Variants in TMEM14A observed in about 807,000 individuals in gnomAD.
The protein encoded by TMEM14A is transmembrane protein 14A.
A neutral mutation model predicts 11.6 loss-of-function variants in TMEM14A; 8 were observed. The ratio of observed to expected loss-of-function variants is 0.69; its 90% CI spans 0.40 to 1.24. The LOEUF is 1.24. TMEM14A is among the 50% of genes most tolerant of loss of function. The pLI is 0.01. For missense variants in TMEM14A, 108 were observed against 121.9 expected, an observed-to-expected ratio of 0.89 and a Z score of 0.54; for synonymous variants, 34 against 45.5, an observed-to-expected ratio of 0.75 and a Z score of 1.02.
intron 2 of TMEM14A, among the ~76,000 whole-genome samples, chr6:52,680,577 C>CTATATATT (rs1179037283): frequency 1.6e-5 from 1 of 60,816 alleles, no homozygotes; most frequent in African/African-American, 4.3e-5. Flanking sequence ...TTCTAAGCCA[C>CTATATATT]TATATATTTA....
At chr6:52,674,191 A>T (rs1581741388) in intron 1 of TMEM14A, among the ~76,000 whole-genome samples, 1 of 146,174 alleles carries the variant, frequency 6.8e-6, no homozygotes, top group Non-Finnish European at 1.5e-5. Context: ...TAGAAAGATA[A>T]TAAGTAGGAT....
At position 52,686,040 on chromosome 6, in the gene TMEM14A, G is replaced by A; in HGVS notation, c.291G>A (p.Leu97=). The change falls in exon 5 of 5, where the codon TTG becomes TTA. Residue 97 remains leucine (L), a synonymous_variant. Transcript: ENST00000211314. The part of the protein sequence containing the change: ...SLMMILRLVL[L]LL Reference sequence around the variant, plus strand: ...TGATGATCCTGAGACTTGTCTTGTTGCTGCTCTGAGCATCTGGAGGAACAG... The same window carrying A: ...TGATGATCCTGAGACTTGTCTTGTTACTGCTCTGAGCATCTGGAGGAACAG... 1 of 1,611,616 alleles carries A rather than the reference G, an allele frequency of 6.2e-7. No individual in the cohort carries two copies. Among genetic ancestry groups the A allele is most frequent in the South Asian group, 1.1e-5 (1 of 90,790 alleles).
chr6:52,684,001 A>G, intron 3 of TMEM14A, 77 bp from the exon 4 acceptor site: 2 of 1,358,400 alleles, frequency 1.5e-6, no homozygotes, highest in South Asian at 1.3e-5. Context: ...AGAAAGCTTT[A>G]AATGGTACCC....
chr6:52,684,494 A>G (rs1769456654), intron 4 of TMEM14A, among the ~76,000 whole-genome samples: 1 of 152,206 alleles, frequency 6.6e-6, no homozygotes, highest in Admixed American at 6.5e-5. Flanking sequence ...TAAATCTAAT[A>G]CTCAGTCCCT....
chr6:52,680,684 CATATATGTAT>C (rs1769365738), intron 2 of TMEM14A, among the ~76,000 whole-genome samples: 1 of 38,708 alleles, frequency 2.6e-5, no homozygotes, highest in African/African-American at 7.8e-5. Context: ...TATATATATA[CATATATGTAT>C]ATATATATAT....
chr6:52,684,234 A>G, intron 4 of TMEM14A, 69 bp downstream of exon 4: 2 of 1,381,938 alleles, frequency 1.4e-6, no homozygotes, highest in South Asian at 2.6e-5. Flanking sequence ...TTTGGGAAAC[A>G]TCAATTTTAA....
At chr6:52,682,533 A>T (rs1032084920) in intron 3 of TMEM14A, among the ~76,000 whole-genome samples, 10 of 151,960 alleles carry the variant, frequency 6.6e-5, no homozygotes, top group Non-Finnish European at 2.9e-5. Context: ...TTGGTCGTGT[A>T]TGGAAAAAAA....
intron 2 of TMEM14A, among the ~76,000 whole-genome samples, chr6:52,680,621 A>G (rs1260004398): frequency 1.1e-5 from 1 of 88,498 alleles, no homozygotes; most frequent in Admixed American, 1.5e-4. Context: ...ATGTATATAT[A>G]TGTGTATATA....
At chr6:52,674,776 G>T (rs1769224116) in intron 1 of TMEM14A, among the ~76,000 whole-genome samples, 1 of 152,094 alleles carries the variant, frequency 6.6e-6, no homozygotes, top group East Asian at 1.9e-4. Flanking sequence ...GCATTTTTCA[G>T]TGTTGCCTCC....
chr6:52,673,398 A>G (rs1322523509), intron 1 of TMEM14A, among the ~76,000 whole-genome samples: 17 of 152,204 alleles, frequency 1.1e-4, no homozygotes, highest in Non-Finnish European at 4.4e-5. Flanking sequence ...GAGGGTGTTA[A>G]GTGAAAATGC....
At position 52,686,063 on chromosome 6, in the gene TMEM14A, C is replaced by G. The variant is rs771871773; in HGVS notation, c.*14C>G. 2.7e-5 allele frequency: 44 copies of G among 1,609,432 alleles called. No individual in the cohort carries two copies. In the South Asian group the frequency reaches 4.6e-4, roughly 17 times the overall value. ...TTGCTGCTCTGAGCATCTGGAGGAACAGAAAACTAAGTTCATGTCATCCTG... is the reference window on the plus strand; with the variant it reads ...TTGCTGCTCTGAGCATCTGGAGGAAGAGAAAACTAAGTTCATGTCATCCTG... On this transcript the variant is annotated 3_prime_UTR_variant, in exon 5 of 5. Coordinates refer to ENST00000211314, the MANE Select transcript of TMEM14A (RefSeq NM_014051.4).
intron 4 of TMEM14A, among the ~76,000 whole-genome samples, chr6:52,685,034 A>G (rs1405914686): frequency 6.6e-6 from 1 of 152,276 alleles, no homozygotes; most frequent in Non-Finnish European, 1.5e-5. Flanking sequence ...GTATAAAAAC[A>G]GGATGAAAAC....
intron 2 of TMEM14A, among the ~76,000 whole-genome samples, chr6:52,679,561 GC>G (rs1241864678): frequency 6.6e-6 from 1 of 152,142 alleles, no homozygotes; most frequent in Non-Finnish European, 1.5e-5. Flanking sequence ...TTCCAAGACT[GC>G]CCCACCCAGA....
intron 1 of TMEM14A, among the ~76,000 whole-genome samples, chr6:52,675,622 T>C (rs1262762716): frequency 6.6e-6 from 1 of 152,260 alleles, no homozygotes; most frequent in Non-Finnish European, 1.5e-5. Flanking sequence ...GATGTCATTG[T>C]CATCCATTTA....
intron 1 of TMEM14A, among the ~76,000 whole-genome samples, chr6:52,673,301 A>G (rs6908551): frequency 0.69 from 105,307 of 151,978 alleles, 38,140 homozygotes; most frequent in South Asian, 0.82. Flanking sequence ...CCCCTGCCCC[A>G]CCTGTCCCAT....
chr6:52,676,125 T>C (rs1769253488), intron 1 of TMEM14A, among the ~76,000 whole-genome samples: 1 of 152,076 alleles, frequency 6.6e-6, no homozygotes, highest in Non-Finnish European at 1.5e-5. Flanking sequence ...GTGGAAAGAA[T>C]TGAACAGCTG....
At chr6:52,680,585 TTATATATTTATATA>T (rs1414274531) in intron 2 of TMEM14A, among the ~76,000 whole-genome samples, 3 of 33,264 alleles carry the variant, frequency 9.0e-5, no homozygotes, top group Admixed American at 5.6e-4. Flanking sequence ...CACTATATAT[TTATATATTTATATA>T]TATATATATA....
rs541419315 is a variant in TMEM14A, at chr6:52,679,533, C to T, written c.71-2280C>T. On this transcript the variant is annotated intron_variant, in intron 2 of 4. Transcript: ENST00000211314. ...GGAAGCTCCCAGATGCATCTTTCAA[C>T]TCTTTTTAAAACTCCTCTTCCAAGA... Among the ~76,000 whole-genome samples the T allele has an allele frequency of 9.8e-5, 15 of 152,300 alleles. 1 individual carries two copies. The South Asian group carries it at 3.1e-3, about 32-fold the overall frequency.
intron 2 of TMEM14A, among the ~76,000 whole-genome samples, chr6:52,680,651 G>GTGTATATATATATATACATATA (rs1769355973): frequency 9.9e-5 from 1 of 10,104 alleles, no homozygotes; most frequent in Non-Finnish European, 1.8e-4. Flanking sequence ...GTATATATAT[G>GTGTATATATATATATACATATA]TGTGTGTATA....
Sources: gnomAD v4.1 joint callset for allele counts (sites outside exome capture counted in the v4.1 genomes callset) on GRCh38, gnomAD v4.1.1 for gene constraint, MANE v1.5 for transcripts, NCBI Gene and HGNC (gene_info 2026-07-23, HGNC 2026-07-21) for gene names.